Variants in SLC24A3 observed in about 807,000 individuals in gnomAD.
The protein encoded by SLC24A3 is solute carrier family 24 member 3, also known as sodium/potassium/calcium exchanger 3.
A neutral mutation model predicts 75.8 loss-of-function variants in SLC24A3; 28 were observed. The observed-to-expected ratio is 0.37, with a 90% CI of 0.27 to 0.51. The LOEUF is 0.51. Among genes scored for constraint, SLC24A3 ranks in the 20% least tolerant of loss-of-function variants. SLC24A3 has a pLI of 0.94. For synonymous variants in SLC24A3, 372 were observed against 334.1 expected (o/e 1.11, Z -1.24); for missense variants, 663 against 847.8 (o/e 0.78, Z 2.71).
At chr20:19,561,979 A>G (rs549980770) in intron 3 of SLC24A3, among the ~76,000 whole-genome samples, 142 of 152,310 alleles carry the variant, frequency 9.3e-4, no homozygotes, top group Admixed American at 2.1e-3. Flanking sequence ...TGTAAGGTGC[A>G]GAAGAGAACT....
At chr20:19,622,547 G>T (rs554901229) in intron 6 of SLC24A3, among the ~76,000 whole-genome samples, 2 of 152,250 alleles carry the variant, frequency 1.3e-5, no homozygotes, top group South Asian at 4.1e-4. Context: ...TCTCATTCTT[G>T]GAGTCTGTGT....
At chr20:19,243,555 A>G (rs1982394532) in intron 1 of SLC24A3, among the ~76,000 whole-genome samples, 1 of 152,234 alleles carries the variant, frequency 6.6e-6, no homozygotes, top group African/African-American at 2.4e-5. Flanking sequence ...GAGAAGATGT[A>G]CAGGAGAACA....
intron 1 of SLC24A3, among the ~76,000 whole-genome samples, chr20:19,242,912 T>C (rs1358164219): frequency 1.3e-5 from 2 of 152,240 alleles, no homozygotes; most frequent in Non-Finnish European, 2.9e-5. Context: ...AAGAATAATC[T>C]GGAAAGGTGT....
chr20:19,281,654 G>A (rs1166859938), intron 2 of SLC24A3, among the ~76,000 whole-genome samples: 2 of 152,100 alleles, frequency 1.3e-5, no homozygotes, highest in African/African-American at 4.8e-5. Flanking sequence ...GCAGATCAAA[G>A]GGAATGAGGA....
intron 3 of SLC24A3, among the ~76,000 whole-genome samples, chr20:19,577,993 ATGGAAGAG>A (rs2122629791): frequency 6.6e-6 from 1 of 152,334 alleles, no homozygotes; most frequent in East Asian, 1.9e-4. Flanking sequence ...TTACGATCTT[ATGGAAGAG>A]ACCAAACATA....
intron 6 of SLC24A3, among the ~76,000 whole-genome samples, chr20:19,642,634 T>C (rs1472756830): frequency 6.6e-6 from 1 of 152,238 alleles, no homozygotes; most frequent in Non-Finnish European, 1.5e-5. Context: ...GCAAATTGAT[T>C]ACCTTTCTGA....
chr20:19,448,450 C>T (rs1240436910), intron 2 of SLC24A3, among the ~76,000 whole-genome samples: 3 of 152,328 alleles, frequency 2.0e-5, no homozygotes, highest in Middle Eastern at 3.4e-3. Flanking sequence ...CAAATGCAAG[C>T]CTCGTCCGCC....
chr20:19,597,133 A>G (rs868274580), intron 6 of SLC24A3, among the ~76,000 whole-genome samples: 31 of 152,330 alleles, frequency 2.0e-4, no homozygotes, highest in Middle Eastern at 6.8e-3. Flanking sequence ...CTGTGGCCCC[A>G]GCACTTTGGA....
intron 2 of SLC24A3, among the ~76,000 whole-genome samples, chr20:19,336,328 G>C (rs1985132639): frequency 6.6e-6 from 1 of 152,194 alleles, no homozygotes; most frequent in African/African-American, 2.4e-5. Flanking sequence ...GACCTGCCAA[G>C]CCTAAAAGAT....
At chr20:19,334,694 G>C (rs958578799) in intron 2 of SLC24A3, among the ~76,000 whole-genome samples, 4 of 152,230 alleles carry the variant, frequency 2.6e-5, no homozygotes, top group African/African-American at 9.6e-5. Context: ...GCTGTGGGCA[G>C]CTGGGACTCA....
chr20:19,394,824 T>C (rs1159773316), intron 2 of SLC24A3, among the ~76,000 whole-genome samples: 1 of 152,146 alleles, frequency 6.6e-6, no homozygotes, highest in Non-Finnish European at 1.5e-5. Flanking sequence ...CCTCAAAAAA[T>C]TAAAAGTAGA....
intron 2 of SLC24A3, among the ~76,000 whole-genome samples, chr20:19,371,401 C>T (rs1985990806): frequency 6.6e-6 from 1 of 152,064 alleles, no homozygotes; most frequent in African/African-American, 2.4e-5. Context: ...TAGGTGTAGG[C>T]CCTGTGGTGT....
chr20:19,359,216 C>T (rs993747215), intron 2 of SLC24A3, among the ~76,000 whole-genome samples: 6 of 152,178 alleles, frequency 3.9e-5, no homozygotes, highest in Middle Eastern at 3.4e-3. Flanking sequence ...ATGACAGCTG[C>T]GCCATTTGTG....
Position 19,607,722 on chromosome 20 carries a change from A to G in SLC24A3, c.612+22178A>G, listed in dbSNP as rs114433413. On this transcript the variant is annotated intron_variant, in intron 6 of 16. Transcript: ENST00000328041. ...ACTGCACCATACACTCCAGACCTCCACTCTTGGTCAACTGGACTGCCAAAG... is the reference window on the plus strand; with the variant it reads ...ACTGCACCATACACTCCAGACCTCCGCTCTTGGTCAACTGGACTGCCAAAG... 7.1e-3 allele frequency among the ~76,000 whole-genome samples: 1,082 copies of G among 151,674 alleles called. 19 individuals are homozygous for G. Among genetic ancestry groups the G allele is most frequent in the African/African-American group, 0.025 (1,025 of 41,346 alleles).
At position 19,444,197 on chromosome 20, in the gene SLC24A3, C is replaced by T. The variant is rs539734175; in HGVS notation, c.272-71291C>T. Among the ~76,000 whole-genome samples the T allele has an allele frequency of 2.4e-4, 36 of 152,144 alleles. 1 individual carries two copies. The South Asian group carries it at 6.0e-3, about 25-fold the overall frequency. On this transcript the variant is annotated intron_variant, in intron 2 of 16. Coordinates refer to ENST00000328041, the MANE Select transcript of SLC24A3 (RefSeq NM_020689.4). ...TAGAACAAATATCACCTGGTCATGG[C>T]GTATAATTTTTATATACCTCATTGG...
At chr20:19,569,821 G>A (rs972122165) in intron 3 of SLC24A3, among the ~76,000 whole-genome samples, 27 of 152,306 alleles carry the variant, frequency 1.8e-4, no homozygotes, top group African/African-American at 6.3e-4. Context: ...GGTTCCCGTT[G>A]TTATTAGGCT....
In SLC24A3 at chr20:19,667,663, C is replaced by T. The variant is rs140103296; in HGVS notation, c.713+1774C>T. Among the ~76,000 whole-genome samples, 81 of 152,260 alleles carry T rather than the reference C, an allele frequency of 5.3e-4. No individual in the cohort carries two copies. The Middle Eastern group carries it at 0.031, about 58-fold the overall frequency. On this transcript the variant is annotated intron_variant, in intron 8 of 16. Coordinates refer to ENST00000328041, the MANE Select transcript of SLC24A3 (RefSeq NM_020689.4). ...GGTTTGCTGTCAGCCTTAGAGGGAG[C>T]CGTCTTTTCTACCACCTCCATGGCA...
intron 3 of SLC24A3, among the ~76,000 whole-genome samples, chr20:19,551,404 G>A (rs936782694): frequency 5.3e-5 from 8 of 152,120 alleles, no homozygotes; most frequent in Non-Finnish European, 1.0e-4. Context: ...AAATGGAGAA[G>A]CAGGTATTAA....
At chr20:19,227,128 G>A (rs904300876) in intron 1 of SLC24A3, among the ~76,000 whole-genome samples, 14 of 152,168 alleles carry the variant, frequency 9.2e-5, no homozygotes, top group African/African-American at 3.4e-4. Context: ...ATGTTCTGTT[G>A]CCTGAATTAT....
Sources: gnomAD v4.1 joint callset for allele counts (sites outside exome capture counted in the v4.1 genomes callset) on GRCh38, gnomAD v4.1.1 for gene constraint, MANE v1.5 for transcripts, NCBI Gene and HGNC (gene_info 2026-07-23, HGNC 2026-07-21) for gene names.